FBXL17: variants seen among roughly 807,000 people sequenced by gnomAD.
The protein encoded by FBXL17 is F-box and leucine rich repeat protein 17, also known as F-box/LRR-repeat protein 17.
A neutral mutation model predicts 66.2 loss-of-function variants in FBXL17; 22 were observed. The observed-to-expected ratio is 0.33, with a 90% CI of 0.24 to 0.47. The LOEUF is 0.47. Ranked by LOEUF, FBXL17 falls within the 20% of genes least tolerant of loss-of-function variation. FBXL17 has a pLI of 1.00. For missense variants in FBXL17, 878 were observed against 948.2 expected, an observed-to-expected ratio of 0.93 and a Z score of 0.97; for synonymous variants, 474 against 400.5, an observed-to-expected ratio of 1.18 and a Z score of -2.19.
At chr5:108,203,205 C>T (rs1753972800) in intron 5 of FBXL17, among the ~76,000 whole-genome samples, 1 of 151,418 alleles carries the variant, frequency 6.6e-6, no homozygotes, top group Non-Finnish European at 1.5e-5. Flanking sequence ...CATTGTTCAA[C>T]CACTTCTTTA....
At chr5:108,189,531 T>G (rs369628316) in intron 5 of FBXL17, among the ~76,000 whole-genome samples, 5 of 152,070 alleles carry the variant, frequency 3.3e-5, no homozygotes, top group African/African-American at 1.2e-4. Flanking sequence ...TAAACAGGTA[T>G]GGTAGGCAAA....
intron 6 of FBXL17, among the ~76,000 whole-genome samples, chr5:108,059,367 A>G (rs572424583): frequency 2.0e-5 from 3 of 152,198 alleles, no homozygotes; most frequent in Non-Finnish European, 2.9e-5. Context: ...TTCCATTAAC[A>G]TATGAAGAAG....
At chr5:108,156,455 AT>A (rs1455832235) in intron 6 of FBXL17, among the ~76,000 whole-genome samples, 4 of 152,012 alleles carry the variant, frequency 2.6e-5, no homozygotes, top group African/African-American at 7.2e-5. Flanking sequence ...ACATAATCCT[AT>A]TTATATATCT....
chr5:107,961,886 G>T (rs1166250112), intron 7 of FBXL17, among the ~76,000 whole-genome samples: 1 of 152,078 alleles, frequency 6.6e-6, no homozygotes, highest in Non-Finnish European at 1.5e-5. Flanking sequence ...TAGGAGACAG[G>T]CTCTTGGGGT....
intron 4 of FBXL17, among the ~76,000 whole-genome samples, chr5:108,285,192 T>C (rs1163053921): frequency 6.6e-6 from 1 of 151,900 alleles, no homozygotes; most frequent in African/African-American, 2.4e-5. Flanking sequence ...TCTAGTTCTC[T>C]TGCTATTTCT....
rs1554054251 is a variant in FBXL17, at chr5:107,980,645, A to ATATATATATATATATATATATATATATAT, written c.1822+40279_1822+40280insATATATATATATATATATATATATATATA. On this transcript the variant is annotated intron_variant, in intron 7 of 8. Coordinates refer to ENST00000542267, the MANE Select transcript of FBXL17 (RefSeq NM_001163315.3). ...AGCCACCATGACTGGCCAATAAAAT[A>ATATATATATATATATATATATATATATAT]ATATATATATATATATATATTTTTT... Among the ~76,000 whole-genome samples, 101 of 79,104 alleles carry ATATATATATATATATATATATATATATAT rather than the reference A, an allele frequency of 1.3e-3. 5 individuals carry two copies. Among genetic ancestry groups the ATATATATATATATATATATATATATATAT allele is most frequent in the African/African-American group, 1.8e-3 (24 of 13,414 alleles). 51.9% of individuals were successfully genotyped at this position (79,104 alleles called of 152,430 possible).
chr5:108,153,605 A>AGATCATGG (rs1751853930), intron 6 of FBXL17, among the ~76,000 whole-genome samples: 1 of 152,186 alleles, frequency 6.6e-6, no homozygotes, highest in Non-Finnish European at 1.5e-5. Flanking sequence ...ACTAGGTGGT[A>AGATCATGG]ACCCCACAGT....
chr5:107,919,854 A>C (rs1750252959), intron 7 of FBXL17, among the ~76,000 whole-genome samples: 2 of 152,198 alleles, frequency 1.3e-5, no homozygotes, highest in East Asian at 3.8e-4. Context: ...TACAGCATTT[A>C]CTGACACTAG....
At chr5:108,256,662 T>C (rs189182524) in intron 4 of FBXL17, among the ~76,000 whole-genome samples, 109 of 152,204 alleles carry the variant, frequency 7.2e-4, no homozygotes, top group African/African-American at 2.5e-3. Flanking sequence ...AGACCCAACA[T>C]ATACACAATC....
intron 4 of FBXL17, among the ~76,000 whole-genome samples, chr5:108,269,519 T>C (rs950711966): frequency 6.6e-6 from 1 of 152,026 alleles, no homozygotes; most frequent in Non-Finnish European, 1.5e-5. Context: ...AATCTGTAAA[T>C]TCCTCAATTT....
intron 5 of FBXL17, among the ~76,000 whole-genome samples, chr5:108,193,562 AG>A (rs932935111): frequency 2.6e-5 from 4 of 152,156 alleles, no homozygotes; most frequent in African/African-American, 7.2e-5. Context: ...GGAGGGAACA[AG>A]GGGTATGACT....
intron 6 of FBXL17, among the ~76,000 whole-genome samples, chr5:108,107,768 C>A (rs1355635623): frequency 6.8e-6 from 1 of 146,286 alleles, no homozygotes; most frequent in African/African-American, 2.5e-5. Context: ...GCTGAGATGG[C>A]ACCACTGCAC....
At chr5:107,903,762 A>G (rs1008608706) in intron 7 of FBXL17, among the ~76,000 whole-genome samples, 2 of 152,180 alleles carry the variant, frequency 1.3e-5, no homozygotes, top group African/African-American at 2.4e-5. Context: ...TTACCAGGAA[A>G]AATAGAAACC....
intron 6 of FBXL17, among the ~76,000 whole-genome samples, chr5:108,143,572 C>T (rs1181149819): frequency 6.6e-6 from 1 of 151,908 alleles, no homozygotes; most frequent in African/African-American, 2.4e-5. Context: ...GCTAAAATTC[C>T]CCCACCTTCT....
At chr5:107,974,674 A>AT (rs537064459) in intron 7 of FBXL17, among the ~76,000 whole-genome samples, 172 of 148,928 alleles carry the variant, frequency 1.2e-3, no homozygotes, top group Non-Finnish European at 1.8e-3. Context: ...ATTATTTTCT[A>AT]TTTTTTTTTT....
intron 1 of FBXL17, among the ~76,000 whole-genome samples, chr5:108,368,899 G>C (rs1580905755): frequency 7.6e-6 from 1 of 132,268 alleles, no homozygotes; most frequent in Non-Finnish European, 1.6e-5. Context: ...TCCTAAATAA[G>C]ATAGCTACAA....
intron 6 of FBXL17, among the ~76,000 whole-genome samples, chr5:108,105,627 T>C (rs1297211808): frequency 1.3e-5 from 2 of 152,214 alleles, no homozygotes; most frequent in African/African-American, 4.8e-5. Flanking sequence ...CATCTCTTAA[T>C]TATTCATGTA....
chr5:108,179,320 C>T (rs1752911478), intron 6 of FBXL17, among the ~76,000 whole-genome samples: 1 of 151,914 alleles, frequency 6.6e-6, no homozygotes, highest in Non-Finnish European at 1.5e-5. Flanking sequence ...TATATAAAGC[C>T]ACGTTGAGTT....
At chr5:108,055,309 A>AAAAAAAACAAAAAAAAAAAAAC (rs1561388295) in intron 6 of FBXL17, among the ~76,000 whole-genome samples, 1 of 22,522 alleles carries the variant, frequency 4.4e-5, no homozygotes, top group African/African-American at 1.9e-4. Flanking sequence ...AAAAAAAAAA[A>AAAAAAAACAAAAAAAAAAAAAC]AAAAGAAAAA....
Sources: gnomAD v4.1 joint callset for allele counts (sites outside exome capture counted in the v4.1 genomes callset) on GRCh38, gnomAD v4.1.1 for gene constraint, MANE v1.5 for transcripts, NCBI Gene and HGNC (gene_info 2026-07-23, HGNC 2026-07-21) for gene names.